The following PDE10A variants were observed in gnomAD, a reference collection of about 807,000 sequenced individuals.
The protein encoded by PDE10A is cAMP and cAMP-inhibited cGMP 3',5'-cyclic phosphodiesterase 10A.
Under a neutral mutation model 97.7 loss-of-function variants are expected in PDE10A, and 39 were observed. The ratio of observed to expected loss-of-function variants is 0.40; its 90% CI spans 0.31 to 0.52. PDE10A has a LOEUF of 0.52. Ranked by LOEUF, PDE10A falls within the 20% of genes least tolerant of loss-of-function variation. PDE10A has a pLI of 0.56. For synonymous variants in PDE10A, 371 were observed against 376.8 expected, an observed-to-expected ratio of 0.98 and a Z score of 0.18; for missense variants, 731 against 1,047.8, an observed-to-expected ratio of 0.70 and a Z score of 4.17.
intron 5 of PDE10A, among the ~76,000 whole-genome samples, chr6:165,445,070 T>C (rs1026749579): frequency 6.6e-6 from 1 of 152,202 alleles, no homozygotes; most frequent in Non-Finnish European, 1.5e-5. Context: ...TTGACAATTA[T>C]GTAGACTATG....
chr6:165,779,564 A>G (rs2128461384), intron 1 of PDE10A, among the ~76,000 whole-genome samples: 1 of 152,346 alleles, frequency 6.6e-6, no homozygotes, highest in South Asian at 2.1e-4. Flanking sequence ...AATGCCTTTT[A>G]AAAATCATAA....
At chr6:165,695,977 G>C (rs563244896) in intron 1 of PDE10A, among the ~76,000 whole-genome samples, 132 of 152,310 alleles carry the variant, frequency 8.7e-4, no homozygotes, top group African/African-American at 3.0e-3. Flanking sequence ...TTGAACCTCT[G>C]TGTGAAGTCA....
chr6:165,853,933 C>T (rs1340837456), intron 1 of PDE10A, among the ~76,000 whole-genome samples: 1 of 152,188 alleles, frequency 6.6e-6, no homozygotes, highest in Non-Finnish European at 1.5e-5. Flanking sequence ...GGCACTGCTC[C>T]TGGGTCGCAG....
chr6:165,641,552 G>A (rs1303682102), intron 1 of PDE10A, among the ~76,000 whole-genome samples: 2 of 152,156 alleles, frequency 1.3e-5, no homozygotes, highest in African/African-American at 4.8e-5. Flanking sequence ...CTCAGAGGCA[G>A]AGGTGGTGCC....
At chr6:165,684,993 C>T (rs1307296117) in intron 1 of PDE10A, among the ~76,000 whole-genome samples, 1 of 152,044 alleles carries the variant, frequency 6.6e-6, no homozygotes, top group Non-Finnish European at 1.5e-5. Flanking sequence ...TTTGTTAGCC[C>T]CAAGTAATAC....
intron 1 of PDE10A, among the ~76,000 whole-genome samples, chr6:165,678,669 C>G (rs1790893193): frequency 1.3e-5 from 2 of 152,190 alleles, no homozygotes; most frequent in African/African-American, 4.8e-5. Flanking sequence ...CAAGCCTCTC[C>G]CTGCGCTGGA....
intron 15 of PDE10A, among the ~76,000 whole-genome samples, chr6:165,393,661 G>A (rs1224580577): frequency 6.6e-6 from 1 of 152,090 alleles, no homozygotes; most frequent in Non-Finnish European, 1.5e-5. Flanking sequence ...CTGGAGTTAG[G>A]TATCCTATGC....
chr6:165,436,969 T>C (rs1790064711), intron 5 of PDE10A, among the ~76,000 whole-genome samples: 1 of 152,144 alleles, frequency 6.6e-6, no homozygotes, highest in African/African-American at 2.4e-5. Flanking sequence ...ATATTTAGAA[T>C]GAAGAAAAAT....
At chr6:165,607,173 A>C (rs890724813) in intron 1 of PDE10A, among the ~76,000 whole-genome samples, 2 of 152,228 alleles carry the variant, frequency 1.3e-5, no homozygotes, top group Non-Finnish European at 2.9e-5. Flanking sequence ...CTAATGGTGC[A>C]CAGGTCTCGT....
At chr6:165,420,794 C>T (rs1053424359) in intron 10 of PDE10A, among the ~76,000 whole-genome samples, 1 of 152,136 alleles carries the variant, frequency 6.6e-6, no homozygotes, top group African/African-American at 2.4e-5. Context: ...AAAATGGCTT[C>T]AAATATTAAT....
chr6:165,519,629 T>A (rs1230528806), intron 2 of PDE10A, among the ~76,000 whole-genome samples: 1 of 152,160 alleles, frequency 6.6e-6, no homozygotes. Flanking sequence ...ATAGAACACG[T>A]GTTTGGCTTC....
In PDE10A at chr6:165,405,557, T is replaced by C. The variant is rs577830639; in HGVS notation, c.2076+7944A>G. 1.1e-4 allele frequency among the ~76,000 whole-genome samples: 16 copies of C among 152,344 alleles called. No homozygotes were observed. In the South Asian group the frequency reaches 3.3e-3, roughly 32 times the overall value. ...ATGGACTACGCACTGTTCTAAGACT[T>C]TATTCACATATCTCATTTTGTCCTG... On this transcript the variant is annotated intron_variant, in intron 13 of 21. Transcript: ENST00000539869.
intron 1 of PDE10A, among the ~76,000 whole-genome samples, chr6:165,740,332 G>C (rs1792688508): frequency 6.6e-6 from 1 of 151,938 alleles, no homozygotes; most frequent in African/African-American, 2.4e-5. Context: ...GAGAGAGAGA[G>C]AGAGAGAGAG....
chr6:165,791,057 G>A (rs932763624), intron 1 of PDE10A, among the ~76,000 whole-genome samples: 1 of 151,806 alleles, frequency 6.6e-6, no homozygotes, highest in Non-Finnish European at 1.5e-5. Flanking sequence ...CAATCCTCCC[G>A]CCTCAGCTTC....
intron 2 of PDE10A, among the ~76,000 whole-genome samples, chr6:165,515,589 T>G (rs1781754950): frequency 6.9e-6 from 1 of 145,298 alleles, no homozygotes; most frequent in Non-Finnish European, 1.5e-5. Context: ...AGTGGGACAA[T>G]CTCAGCTCAC....
At position 165,483,970 on chromosome 6, in the gene PDE10A, T is replaced by C. The variant is rs1779752006; in HGVS notation, c.995-1627A>G. Among the ~76,000 whole-genome samples the C allele has an allele frequency of 2.0e-5, 3 of 152,238 alleles. No homozygotes were observed. In the South Asian group the frequency reaches 6.2e-4, roughly 31 times the overall value. ...TGCTTTATGGGCAATTTAAAGTATT[T>C]GAAAGAAAAAAATTTACCTATGGCT... is the stretch of plus-strand genomic sequence containing the variant. On this transcript the variant is annotated intron_variant, in intron 2 of 21. Coordinates refer to ENST00000539869, the MANE Select transcript of PDE10A (RefSeq NM_001385079.1).
intron 1 of PDE10A, among the ~76,000 whole-genome samples, chr6:165,777,807 A>G (rs947487424): frequency 6.6e-6 from 1 of 152,176 alleles, no homozygotes; most frequent in Non-Finnish European, 1.5e-5. Flanking sequence ...GCCAGTCATC[A>G]AGTCCGGAAT....
rs111599438 is a variant in PDE10A, at chr6:165,591,566, T to C, written c.866-47998A>G. Among the ~76,000 whole-genome samples, 1,360 of 152,350 alleles carry C rather than the reference T, an allele frequency of 8.9e-3. 23 individuals are homozygous for C. Among genetic ancestry groups the C allele is most frequent in the African/African-American group, 0.031 (1,298 of 41,590 alleles). On this transcript the variant is annotated intron_variant, in intron 1 of 21. Transcript: ENST00000539869. Reference sequence around the variant, plus strand: ...CAGAGATTTGAACCTCCACAAGCATTACTCACTGGTCCTGCCCTGCTCTCC... The same window carrying C: ...CAGAGATTTGAACCTCCACAAGCATCACTCACTGGTCCTGCCCTGCTCTCC...
intron 1 of PDE10A, among the ~76,000 whole-genome samples, chr6:165,923,015 A>G (rs1478064335): frequency 6.6e-6 from 1 of 152,226 alleles, no homozygotes; most frequent in Non-Finnish European, 1.5e-5. Flanking sequence ...CTTCCAGACA[A>G]CAAAATAGGA....
Sources: gnomAD v4.1 joint callset for allele counts (sites outside exome capture counted in the v4.1 genomes callset) on GRCh38, gnomAD v4.1.1 for gene constraint, MANE v1.5 for transcripts, NCBI Gene and HGNC (gene_info 2026-07-23, HGNC 2026-07-21) for gene names.